Variants in ZNF786 observed in about 807,000 individuals in gnomAD.
The protein encoded by ZNF786 is zinc finger protein 786.
Under a neutral mutation model 63.1 loss-of-function variants are expected in ZNF786, and 56 were observed. The ratio of observed to expected loss-of-function variants is 0.89; its 90% CI spans 0.72 to 1.11. The LOEUF (loss-of-function observed/expected upper bound fraction) is 1.11. Among genes scored for constraint, ZNF786 ranks in the 50% least tolerant of loss-of-function variants. The probability of loss-of-function intolerance (pLI) is 0.00; values close to 1 mark genes in which losing one functional copy is unlikely to be tolerated. For missense variants in ZNF786, 1,213 were observed against 1,041.8 expected (o/e 1.16, Z -2.26); for synonymous variants, 485 against 406.9 (o/e 1.19, Z -2.31).
intron 2 of ZNF786, among the ~76,000 whole-genome samples, chr7:149,077,338 AGAT>A (rs756390230): frequency 1.3e-5 from 2 of 152,296 alleles, no homozygotes; most frequent in East Asian, 3.9e-4. Context: ...TAGATTAAGA[AGAT>A]GGGTGGCCAG....
chr7:149,075,685 A>C (rs1346559574), intron 2 of ZNF786, among the ~76,000 whole-genome samples: 1 of 3,330 alleles, frequency 3.0e-4, no homozygotes, highest in Non-Finnish European at 7.6e-4. Flanking sequence ...TTTTTTTTTG[A>C]TAGAGTCTCA....
At chr7:149,078,538 G>A (rs1301648056) in intron 2 of ZNF786, among the ~76,000 whole-genome samples, 2 of 152,126 alleles carry the variant, frequency 1.3e-5, no homozygotes, top group East Asian at 1.9e-4. Flanking sequence ...TATAAAATTA[G>A]CAGGGCGTGG....
chr7:149,071,357 T>A lies in ZNF786; in HGVS notation c.1415A>T (p.Gln472Leu), dbSNP rs1563136237. ...FRQRGQLLRH[Q>L]RLHTDEKPFQ... ...GGGCTTCTCGTCCGTGTGCAGCCGC[T>A]GGTGCCGCAGCAGCTGTCCCCTCTG... The change falls in exon 4 of 4, where the codon CAG becomes CTG. Residue 472 changes from glutamine to leucine, a missense_variant. Coordinates refer to ENST00000491431, the MANE Select transcript of ZNF786 (RefSeq NM_152411.4). 6.2e-7 allele frequency: 1 copy of A among 1,613,248 alleles called. No individual in the cohort carries two copies. Among genetic ancestry groups the A allele is most frequent in the Admixed American group, 1.7e-5 (1 of 59,966 alleles).
rs113302368 is a variant in ZNF786, at chr7:149,073,922, C to G, written c.298+464G>C. On this transcript the variant is annotated intron_variant, in intron 3 of 3. Transcript: ENST00000491431. ...TCTTCTCCCTCAGCCTCCTGAGTAG[C>G]TGGGATTACAGGCACCTGCCACCAT... Among the ~76,000 whole-genome samples, 660 of 151,152 alleles carry G rather than the reference C, an allele frequency of 4.4e-3. 2 individuals carry two copies. Among genetic ancestry groups the G allele is most frequent in the Non-Finnish European group, 7.3e-3 (495 of 67,814 alleles).
chr7:149,086,081 C>T (rs781491724), intron 1 of ZNF786, among the ~76,000 whole-genome samples: 2 of 152,160 alleles, frequency 1.3e-5, no homozygotes, highest in Non-Finnish European at 2.9e-5. Flanking sequence ...ATTTCTTTCT[C>T]TTGCCACACT....
chr7:149,077,804 T>G (rs1825582566), intron 2 of ZNF786, among the ~76,000 whole-genome samples: 2 of 151,600 alleles, frequency 1.3e-5, no homozygotes, highest in South Asian at 2.1e-4. Flanking sequence ...AAGGATATGA[T>G]GAAAGCATGA....
chr7:149,081,884 T>G (rs1825658947), intron 1 of ZNF786, among the ~76,000 whole-genome samples: 1 of 152,110 alleles, frequency 6.6e-6, no homozygotes, highest in Admixed American at 6.6e-5. Flanking sequence ...GACTCCTAGA[T>G]TTGACAAATG....
intron 2 of ZNF786, among the ~76,000 whole-genome samples, chr7:149,075,581 GAGA>G (rs1825529863): frequency 6.7e-6 from 1 of 149,500 alleles, no homozygotes; most frequent in African/African-American, 2.5e-5. Flanking sequence ...CTGGCACATG[GAGA>G]AGGAGAAAAA....
In ZNF786 at chr7:149,070,373, T is replaced by A; in HGVS notation, c.*50A>T. 1 of 1,583,488 alleles carries A rather than the reference T, an allele frequency of 6.3e-7. No homozygotes were observed. The highest frequency in any genetic ancestry group is 8.6e-7 in the Non-Finnish European group (1 of 1,162,372). On this transcript the variant is annotated 3_prime_UTR_variant, in exon 4 of 4. Transcript: ENST00000491431. ...CGGGTCTGGCTACTGTTGCTGTGGA[T>A]TCCTGGGCAATACCAATCCTGCTCA...
At chr7:149,087,405 C>CA (rs1825755893) in intron 1 of ZNF786, among the ~76,000 whole-genome samples, 1 of 152,140 alleles carries the variant, frequency 6.6e-6, no homozygotes. Flanking sequence ...CCCCTGGCAA[C>CA]ATTTTTTATT....
chr7:149,086,541 T>A (rs575872387), intron 1 of ZNF786, among the ~76,000 whole-genome samples: 9 of 152,048 alleles, frequency 5.9e-5, no homozygotes, highest in Non-Finnish European at 1.2e-4. Flanking sequence ...GGCAGGAGAA[T>A]CGCTTGAACC....
rs57987134 is a variant in ZNF786 at position 149,073,747 on chromosome 7, G to GTA, written c.298+637_298+638dup. ...TGCGTGTGTGTGTGTGTGTGTGTGT[G>GTA]TATATATATATATATATATATATAT... On this transcript the variant is annotated intron_variant, in intron 3 of 3. Transcript: ENST00000491431. Among the ~76,000 whole-genome samples, 615 of 77,540 alleles carry GTA rather than the reference G, an allele frequency of 7.9e-3. 4 individuals are homozygous for GTA. Among genetic ancestry groups the GTA allele is most frequent in the South Asian group, 0.011 (20 of 1,752 alleles). The allele number at this position is 77,540 out of a possible 152,430, so 50.9% of individuals were successfully genotyped here. A position where few individuals can be genotyped will look rare whatever the true frequency, so the allele number is the denominator to read the frequency against.
At chr7:149,075,663 T>G (rs954576784) in intron 2 of ZNF786, among the ~76,000 whole-genome samples, 1 of 113,816 alleles carries the variant, frequency 8.8e-6, no homozygotes. Flanking sequence ...AGGTTTTTTT[T>G]TTTTTTTTTT....
At chr7:149,080,827 G>A in intron 1 of ZNF786, 110 bp from the exon 2 acceptor site, 2 of 1,329,418 alleles carry the variant, frequency 1.5e-6, no homozygotes, top group Non-Finnish European at 2.1e-6. Flanking sequence ...GTTTTTGGTT[G>A]TTCAGCAGCT....
chr7:149,070,823 G>A lies in ZNF786; in HGVS notation c.1949C>T (p.Ser650Phe), dbSNP rs371048918. Residue 650 changes from serine to phenylalanine, a missense_variant, in exon 4 of 4, where the codon TCC becomes TTC. By Grantham distance (155) the Ser-to-Phe change is radical (BLOSUM62 -2). Coordinates refer to ENST00000491431, the MANE Select transcript of ZNF786 (RefSeq NM_152411.4). The stretch of plus-strand genomic sequence containing the variant: ...CACAAAGCCCTTGCCGCACTCACAG[G>A]AGAAAGGCATCTCCCCGCTGTGCAG... ...QLLHSGEMPFSCECGKGFVKH... is the reference protein window; with the variant it reads ...QLLHSGEMPFFCECGKGFVKH... 1.2e-6 allele frequency: 2 copies of A among 1,613,636 alleles called. No homozygotes were observed. The highest frequency in any genetic ancestry group is 1.7e-5 in the Admixed American group (1 of 60,012).
In ZNF786 at chr7:149,079,821, G is replaced by A. The variant is rs544942420; in HGVS notation, c.145+770C>T. Among the ~76,000 whole-genome samples, 312 of 147,712 alleles carry A rather than the reference G, an allele frequency of 2.1e-3. 1 individual carries two copies. Among genetic ancestry groups the A allele is most frequent in the African/African-American group, 6.7e-3 (269 of 40,412 alleles). On this transcript the variant is annotated intron_variant, in intron 2 of 3. Coordinates refer to ENST00000491431, the MANE Select transcript of ZNF786 (RefSeq NM_152411.4). ...CTTGACCTCGTGATCCACCTGCCTC[G>A]GCCTCCCAAAGTCCTGGGATTACAG...
At chr7:149,076,925 C>T (rs1435281136) in intron 2 of ZNF786, among the ~76,000 whole-genome samples, 1 of 152,144 alleles carries the variant, frequency 6.6e-6, no homozygotes, top group African/African-American at 2.4e-5. Context: ...TAAGCATTGA[C>T]AGTTCTTGAA....
chr7:149,082,905 A>T (rs1264439950), intron 1 of ZNF786, among the ~76,000 whole-genome samples: 1 of 133,612 alleles, frequency 7.5e-6, no homozygotes, highest in Non-Finnish European at 1.6e-5. Flanking sequence ...ATTTTTATTT[A>T]TTCATTTTGA....
In ZNF786 at chr7:149,090,688, G is replaced by A. The variant is rs369500362; in HGVS notation, c.-48C>T. Reference sequence around the variant, plus strand: ...CCTGGCAAACCCGACCGTCTCCGGCGGCTCCGCAGGAACCTGCCCTGCTGC... The same window carrying A: ...CCTGGCAAACCCGACCGTCTCCGGCAGCTCCGCAGGAACCTGCCCTGCTGC... On this transcript the variant is annotated 5_prime_UTR_variant, in exon 1 of 4. Coordinates refer to ENST00000491431, the MANE Select transcript of ZNF786 (RefSeq NM_152411.4). 3.2e-6 allele frequency: 5 copies of A among 1,561,318 alleles called. No individual in the cohort carries two copies. Among genetic ancestry groups the A allele is most frequent in the African/African-American group, 1.4e-5 (1 of 72,228 alleles).
Sources: allele counts gnomAD v4.1 joint callset (sites outside exome capture counted in the v4.1 genomes callset), GRCh38; gene constraint gnomAD v4.1.1; transcripts MANE v1.5; gene names NCBI Gene and HGNC (gene_info 2026-07-23, HGNC 2026-07-21).